NREP: variants seen among roughly 807,000 people sequenced by gnomAD.
The protein encoded by NREP is neuronal regeneration-related protein.
A neutral mutation model predicts 8.6 loss-of-function variants in NREP; 5 were observed. The ratio of observed to expected loss-of-function variants is 0.58; its 90% CI spans 0.30 to 1.22. NREP has a LOEUF of 1.22. NREP is among the 50% of genes most tolerant of loss of function. The pLI, the probability that NREP is intolerant of heterozygous loss-of-function variation, is 0.07. For synonymous variants in NREP, 27 were observed against 28.0 expected (o/e 0.96, Z 0.11); for missense variants, 86 against 82.5 (o/e 1.04, Z -0.17).
At chr5:111,883,720 A>C (rs1410161267) in intron 2 of NREP, among the ~76,000 whole-genome samples, 2 of 152,216 alleles carry the variant, frequency 1.3e-5, no homozygotes, top group Non-Finnish European at 2.9e-5. Flanking sequence ...CTCCTGAATG[A>C]CTACTGGGTA....
chr5:111,975,240 A>T (rs1016634827), intron 2 of NREP: 1 of 1,486,736 alleles, frequency 6.7e-7, no homozygotes, highest in Non-Finnish European at 9.2e-7. Context: ...TAGCTTAACA[A>T]ACACGAGCAA....
intron 2 of NREP, among the ~76,000 whole-genome samples, chr5:111,749,191 A>C (rs1750200955): frequency 6.6e-6 from 1 of 152,178 alleles, no homozygotes; most frequent in South Asian, 2.1e-4. Context: ...CGCAGAAATA[A>C]AACTTTGGAA....
At chr5:111,780,058 T>C (rs1751457358) in intron 2 of NREP, among the ~76,000 whole-genome samples, 1 of 152,178 alleles carries the variant, frequency 6.6e-6, no homozygotes. Flanking sequence ...AGGGGGAAAT[T>C]GTCATTTTAA....
chr5:111,765,057 G>A (rs1751048295), intron 2 of NREP, among the ~76,000 whole-genome samples: 1 of 152,126 alleles, frequency 6.6e-6, no homozygotes, highest in Admixed American at 6.6e-5. Flanking sequence ...GTCTAAATCA[G>A]CATTCTCCAA....
At chr5:111,876,343 C>T (rs899057806) in intron 2 of NREP, among the ~76,000 whole-genome samples, 10 of 152,170 alleles carry the variant, frequency 6.6e-5, no homozygotes, top group Admixed American at 6.5e-4. Context: ...AAATAATTTC[C>T]TTCTACCTCC....
At chr5:111,955,496 C>CAAAAAAA (rs70973621) in intron 2 of NREP, among the ~76,000 whole-genome samples, 1 of 140,998 alleles carries the variant, frequency 7.1e-6, no homozygotes, top group African/African-American at 2.7e-5. Flanking sequence ...AAACAAAAAA[C>CAAAAAAA]AAAAAAAAAA....
intron 2 of NREP, among the ~76,000 whole-genome samples, chr5:111,777,577 T>G (rs943800232): frequency 6.6e-6 from 1 of 152,072 alleles, no homozygotes; most frequent in South Asian, 2.1e-4. Flanking sequence ...CGACAATGCT[T>G]CAGTGTAGTT....
At chr5:111,941,821 T>C (rs1561359053) in intron 2 of NREP, among the ~76,000 whole-genome samples, 1 of 152,106 alleles carries the variant, frequency 6.6e-6, no homozygotes, top group Admixed American at 6.6e-5. Context: ...ACCAAAGGAA[T>C]GTAAATCTAC....
chr5:111,945,603 G>A (rs897128598), intron 2 of NREP, among the ~76,000 whole-genome samples: 81 of 152,108 alleles, frequency 5.3e-4, no homozygotes, highest in African/African-American at 1.9e-3. Context: ...GGTTTGTTTT[G>A]TTGAAAGTGA....
chr5:111,794,552 A>G (rs950623753), intron 2 of NREP, among the ~76,000 whole-genome samples: 2 of 152,208 alleles, frequency 1.3e-5, no homozygotes, highest in Non-Finnish European at 2.9e-5. Context: ...CATGCATATT[A>G]ATAAGTGAAA....
intron 2 of NREP, among the ~76,000 whole-genome samples, chr5:111,786,845 G>A (rs998883582): frequency 6.6e-6 from 1 of 152,106 alleles, no homozygotes; most frequent in Non-Finnish European, 1.5e-5. Context: ...CTGTTTTTCT[G>A]TACAACAACA....
Position 111,755,787 on chromosome 5 carries a change from T to C in NREP, c.-15A>G, listed in dbSNP as rs1257621434. The C allele has an allele frequency of 1.2e-6, 2 of 1,613,872 alleles. No homozygotes were observed. The highest frequency in any genetic ancestry group is 2.7e-5 in the African/African-American group (2 of 75,028). On this transcript the variant is annotated 5_prime_UTR_variant, in exon 2 of 4. Transcript: ENST00000257435. ...AGTCTTACCATTTTGAGAATCTTAGTCTTGGGCTTCTATTCTCCCTCTCTT... is the reference window on the plus strand; with the variant it reads ...AGTCTTACCATTTTGAGAATCTTAGCCTTGGGCTTCTATTCTCCCTCTCTT...
chr5:111,940,025 G>C (rs1755787777), intron 2 of NREP: 1 of 152,044 alleles, frequency 6.6e-6, no homozygotes, highest in African/African-American at 2.4e-5. Context: ...GGCGTTCATG[G>C]AAACTTTACA....
chr5:111,887,144 G>A (rs902786240), intron 2 of NREP, among the ~76,000 whole-genome samples: 5 of 151,834 alleles, frequency 3.3e-5, no homozygotes, highest in African/African-American at 7.3e-5. Flanking sequence ...GGCTGGTCTC[G>A]AGCTCTTGGG....
intron 2 of NREP, among the ~76,000 whole-genome samples, chr5:111,879,987 A>C (rs1754009879): frequency 6.6e-6 from 1 of 152,176 alleles, no homozygotes; most frequent in African/African-American, 2.4e-5. Flanking sequence ...TCAACATATG[A>C]ATTTGGGGAG....
intron 2 of NREP, among the ~76,000 whole-genome samples, chr5:111,809,444 T>C (rs1485900407): frequency 1.3e-5 from 2 of 152,214 alleles, no homozygotes; most frequent in Admixed American, 6.5e-5. Flanking sequence ...TAGGAGTTAG[T>C]GGCAGGTATT....
At chr5:111,932,279 C>A (rs1323603097) in intron 2 of NREP, among the ~76,000 whole-genome samples, 1 of 151,972 alleles carries the variant, frequency 6.6e-6, no homozygotes. Context: ...TTGTACCAAA[C>A]ACATGGAAAT....
intron 2 of NREP, among the ~76,000 whole-genome samples, chr5:111,870,839 G>C (rs1309701484): frequency 6.6e-6 from 1 of 151,638 alleles, no homozygotes; most frequent in East Asian, 2.0e-4. Flanking sequence ...GCTAAGAAGA[G>C]ACATGCAAGA....
chr5:111,897,739 C>A (rs370288062), intron 2 of NREP, among the ~76,000 whole-genome samples: 13 of 152,178 alleles, frequency 8.5e-5, no homozygotes, highest in African/African-American at 3.1e-4. Context: ...ATTAATAAGT[C>A]TCTCTTTTTC....
Sources: gnomAD v4.1 joint callset for allele counts (sites outside exome capture counted in the v4.1 genomes callset) on GRCh38, gnomAD v4.1.1 for gene constraint, MANE v1.5 for transcripts, NCBI Gene and HGNC (gene_info 2026-07-23, HGNC 2026-07-21) for gene names.